Variants in IARS1 observed in about 807,000 individuals in gnomAD.
IARS1 encodes the protein isoleucine--tRNA ligase, cytoplasmic.
Under a neutral mutation model 168.2 loss-of-function variants are expected in IARS1, and 124 were observed. The observed-to-expected ratio is 0.74, with a 90% confidence interval of 0.64 to 0.86. The LOEUF is 0.86. Ranked by LOEUF, IARS1 falls within the 40% of genes least tolerant of loss-of-function variation. The pLI is 0.00. For missense variants in IARS1, 1,452 were observed against 1,515.8 expected (o/e 0.96, Z 0.70); for synonymous variants, 532 against 529.4 (o/e 1.00, Z -0.07).
intron 19 of IARS1, among the ~76,000 whole-genome samples, chr9:92,257,324 C>G (rs1415778564): frequency 6.6e-6 from 1 of 152,234 alleles, no homozygotes; most frequent in African/African-American, 2.4e-5. Context: ...TCTCTGGCAG[C>G]ACCACAACCA....
chr9:92,268,308 A>G lies in IARS1; in HGVS notation c.1305-8T>C. The G allele has an allele frequency of 6.2e-7, 1 of 1,606,656 alleles. No individual in the cohort carries two copies. Among genetic ancestry groups the G allele is most frequent in the Non-Finnish European group, 8.5e-7 (1 of 1,178,232 alleles). On this transcript the variant is annotated splice_region_variant and splice_polypyrimidine_tract_variant and intron_variant, in intron 13 of 33. Transcript: ENST00000443024. ...CGTACCAACTCTGGGACCCTGCAAT[A>G]AACAGATCACATAACCAATCACATA...
chr9:92,231,031 G>A (rs1295948185), intron 30 of IARS1, among the ~76,000 whole-genome samples: 3 of 152,136 alleles, frequency 2.0e-5, no homozygotes, highest in Non-Finnish European at 4.4e-5. Context: ...CTCCCAGTCT[G>A]TAGCTTGTCT....
At chr9:92,241,612 G>C (rs1164929328) in intron 29 of IARS1, among the ~76,000 whole-genome samples, 1 of 152,140 alleles carries the variant, frequency 6.6e-6, no homozygotes, top group Non-Finnish European at 1.5e-5. Flanking sequence ...AAAGTGCTGG[G>C]ATTACAGGTG....
At chr9:92,284,438 C>T (rs1322690934) in intron 6 of IARS1, among the ~76,000 whole-genome samples, 1 of 152,112 alleles carries the variant, frequency 6.6e-6, no homozygotes, top group Non-Finnish European at 1.5e-5. Context: ...TTAATTATAC[C>T]ATTCTGTTTA....
intron 1 of IARS1, among the ~76,000 whole-genome samples, chr9:92,290,745 C>G (rs746355144): frequency 1.3e-5 from 2 of 151,926 alleles, no homozygotes; most frequent in Non-Finnish European, 2.9e-5. Flanking sequence ...CAAAAGTAAG[C>G]AGGAAAATCT....
Position 92,260,233 on chromosome 9 carries a change from C to T in IARS1, c.1789G>A (p.Asp597Asn). 6.2e-7 allele frequency: 1 copy of T among 1,610,818 alleles called. No homozygotes were observed. Residue 597 changes from aspartate to asparagine, a missense_variant and splice_region_variant, in exon 18 of 34, where the codon GAT (aspartate) becomes AAT (asparagine). Physicochemically the swap from Asp to Asn is conservative, Grantham distance 23. Transcript: ENST00000443024. ...VIVNGLVLAS[D>N]GQKMSKRKKN... The stretch of plus-strand genomic sequence containing the variant: ...TTCCGTTTGCTCATTTTTTGGCCAT[C>T]ACTTGTAAAACAAAAGGGAGATGCC...
intron 33 of IARS1, among the ~76,000 whole-genome samples, chr9:92,217,614 T>C (rs973698358): frequency 1.4e-4 from 21 of 151,368 alleles, no homozygotes; most frequent in Non-Finnish European, 2.2e-4. Context: ...CCCACAGAAA[T>C]ACAAACTACC....
intron 30 of IARS1, among the ~76,000 whole-genome samples, chr9:92,232,766 T>G (rs1304335379): frequency 1.3e-5 from 2 of 152,166 alleles, no homozygotes; most frequent in Non-Finnish European, 2.9e-5. Flanking sequence ...CTGGGCAGTG[T>G]AGTGAGACAC....
At chr9:92,283,455 C>T (rs1311465139) in intron 6 of IARS1, among the ~76,000 whole-genome samples, 1 of 151,962 alleles carries the variant, frequency 6.6e-6, no homozygotes, top group Non-Finnish European at 1.5e-5. Flanking sequence ...ACCAGCCTGG[C>T]CAACATGGCG....
chr9:92,226,959 G>A (rs1341832023), intron 31 of IARS1, among the ~76,000 whole-genome samples: 1 of 136,074 alleles, frequency 7.3e-6, no homozygotes, highest in Admixed American at 7.5e-5. Context: ...GCGGCCTTCC[G>A]CAGTGTTTGT....
chr9:92,222,528 T>C lies in IARS1; in HGVS notation c.3698A>G (p.Gln1233Arg). The C allele has an allele frequency of 6.2e-7, 1 of 1,613,894 alleles. No individual in the cohort carries two copies. Among genetic ancestry groups the C allele is most frequent in the Non-Finnish European group, 8.5e-7 (1 of 1,179,958 alleles). The change falls in exon 33 of 34, where the codon CAA (glutamine) becomes CGA (arginine). Residue 1233 changes from glutamine to arginine, a missense_variant. Coordinates refer to ENST00000443024, the MANE Select transcript of IARS1 (RefSeq NM_002161.6). ...GTCCACAATCTCCTTACCCTGCGTT[T>C]GGGTCTCATTCAGAAACAGCTTTAG... ...RKLKLFLNETQTQEITEDIPV... is the reference protein window; with the variant it reads ...RKLKLFLNETRTQEITEDIPV...
intron 21 of IARS1, 107 bp from the exon 22 acceptor site, chr9:92,251,992 CAGACA>C: frequency 2.5e-6 from 2 of 790,970 alleles, no homozygotes; most frequent in South Asian, 1.6e-5. Context: ...ATGCAGCATA[CAGACA>C]AGACATGAGA....
chr9:92,281,125 C>T (rs1320004365), intron 6 of IARS1, among the ~76,000 whole-genome samples: 3 of 150,242 alleles, frequency 2.0e-5, no homozygotes, highest in African/African-American at 7.3e-5. Flanking sequence ...TGTCTTTTGA[C>T]ACCTGGTGAC....
chr9:92,279,551 TC>T (rs1411695482), intron 7 of IARS1, among the ~76,000 whole-genome samples: 1 of 152,068 alleles, frequency 6.6e-6, no homozygotes, highest in Non-Finnish European at 1.5e-5. Context: ...AATAAAAAAC[TC>T]CCTCCGTACC....
chr9:92,246,622 T>G (rs926733135), intron 26 of IARS1, among the ~76,000 whole-genome samples: 1 of 152,080 alleles, frequency 6.6e-6, no homozygotes, highest in Non-Finnish European at 1.5e-5. Context: ...ACCATGAAAG[T>G]AAGGACAAAA....
chr9:92,276,447 G>C (rs570531888), intron 9 of IARS1, among the ~76,000 whole-genome samples: 1 of 152,316 alleles, frequency 6.6e-6, no homozygotes, highest in Admixed American at 6.5e-5. Context: ...ACTAACGCCT[G>C]TAGGGAGGAA....
chr9:92,288,017 A>G, intron 3 of IARS1, 107 bp from the exon 4 acceptor site: 1 of 1,524,294 alleles, frequency 6.6e-7, no homozygotes, highest in Non-Finnish European at 9.0e-7. Context: ...ATAGAAATGA[A>G]CTAGAAGGTC....
intron 7 of IARS1, 89 bp downstream of exon 7, chr9:92,280,657 C>T (rs532677760): frequency 4.1e-6 from 3 of 733,142 alleles, no homozygotes; most frequent in African/African-American, 1.8e-5. Context: ...TTCTATTCTT[C>T]ATGCAAAAAG....
At chr9:92,278,135 TA>T in intron 8 of IARS1, 63 bp downstream of exon 8, 1 of 1,208,094 alleles carries the variant, frequency 8.3e-7, no homozygotes, top group Non-Finnish European at 1.2e-6. Context: ...TATTTCTTTT[TA>T]AAACTAAAGA....
Sources: allele counts gnomAD v4.1 joint callset (sites outside exome capture counted in the v4.1 genomes callset), GRCh38; gene constraint gnomAD v4.1.1; transcripts MANE v1.5; gene names NCBI Gene and HGNC (gene_info 2026-07-23, HGNC 2026-07-21).